HERC2: variants seen among roughly 807,000 people sequenced by gnomAD.
The protein encoded by HERC2 is E3 ubiquitin-protein ligase HERC2.
A neutral mutation model predicts 537.7 loss-of-function variants in HERC2; 102 were observed. The observed-to-expected ratio is 0.19, with a 90% confidence interval of 0.16 to 0.22. The LOEUF (loss-of-function observed/expected upper bound fraction) is 0.22. Ranked by LOEUF, HERC2 falls within the 10% of genes least tolerant of loss-of-function variation. The probability of loss-of-function intolerance (pLI) is 1.00; values close to 1 mark genes in which losing one functional copy is unlikely to be tolerated. For synonymous variants in HERC2, 2,224 were observed against 2,466.2 expected (o/e 0.90, Z 2.91); for missense variants, 4,236 against 6,198.2 (o/e 0.68, Z 10.63).
chr15:28,318,072 C>T (rs1195297337), intron 2 of HERC2, among the ~76,000 whole-genome samples: 40 of 152,230 alleles, frequency 2.6e-4, no homozygotes, highest in African/African-American at 9.4e-4. Context: ...TGCGCCTTTA[C>T]CTTACAACAA....
At chr15:28,313,911 C>T (rs2077012241) in intron 2 of HERC2, among the ~76,000 whole-genome samples, 1 of 152,060 alleles carries the variant, frequency 6.6e-6, no homozygotes, top group Admixed American at 6.6e-5. Context: ...TGAGAGACTC[C>T]CAGGGCCCTC....
At chr15:28,252,769 C>T (rs923786544) in intron 20 of HERC2, among the ~76,000 whole-genome samples, 54 of 152,170 alleles carry the variant, frequency 3.5e-4, no homozygotes, top group African/African-American at 1.2e-3. Context: ...AAACAAACAT[C>T]AGAAAAAGGT....
chr15:28,255,369 C>T (rs1035412179), intron 19 of HERC2, among the ~76,000 whole-genome samples: 6 of 152,082 alleles, frequency 3.9e-5, no homozygotes, highest in Admixed American at 2.0e-4. Context: ...AGCAATTAAA[C>T]GTCCTTCAAT....
intron 86 of HERC2, among the ~76,000 whole-genome samples, chr15:28,119,358 C>A (rs572203612): frequency 6.9e-5 from 10 of 145,822 alleles, no homozygotes; most frequent in African/African-American, 2.4e-4. Context: ...CAAGATTGCA[C>A]CACTGTACTC....
At position 28,113,984 on chromosome 15, in the gene HERC2, C is replaced by T. The variant is rs1211117003; in HGVS notation, c.13914-306G>A. Among the ~76,000 whole-genome samples, 1 of 152,138 alleles carries T rather than the reference C, an allele frequency of 6.6e-6. No individual in the cohort carries two copies. The highest frequency in any genetic ancestry group is 2.4e-5 in the African/African-American group (1 of 41,396). ...GAAGCCAGCACCAAGAGGGGAAACA[C>T]ATGTGCATCCGCCCCAGGCCCGAGA... On this transcript the variant is annotated intron_variant, in intron 90 of 92. Coordinates refer to ENST00000261609, the MANE Select transcript of HERC2 (RefSeq NM_004667.6). The surrounding 1 kb of genome is among the most constrained non-coding windows in gnomAD (Gnocchi z 7.0).
chr15:28,254,564 G>A (rs1333523528), intron 19 of HERC2, 46 bp from the exon 20 acceptor site: 1 of 1,372,436 alleles, frequency 7.3e-7, no homozygotes. Context: ...CTCATTACCA[G>A]GTGTGAAGAC....
In HERC2 at chr15:28,268,757, G is replaced by T. The variant is rs907617310; in HGVS notation, c.1447-141C>A. 5.9e-5 allele frequency: 42 copies of T among 707,282 alleles called. No homozygotes were observed. The highest frequency in any genetic ancestry group is 5.7e-4 in the Admixed American group (22 of 38,332). 43.8% of individuals were successfully genotyped at this position (707,282 alleles called of 1,614,324 possible). A position where few individuals can be genotyped will look rare whatever the true frequency, so the allele number is the denominator to read the frequency against. On this transcript the variant is annotated intron_variant, in intron 11 of 92. Coordinates refer to ENST00000261609, the MANE Select transcript of HERC2 (RefSeq NM_004667.6). This position sits in a 1 kb window ranked among gnomAD's most constrained non-coding sequence, Gnocchi z 4.7. ...ATAAGTCTCTGGGAACTACGGGGCC[G>T]GCTCTCCAGCCCTTCCCACCCAGCA...
intron 4 of HERC2, among the ~76,000 whole-genome samples, chr15:28,289,649 T>G (rs2076257800): frequency 6.6e-6 from 1 of 152,222 alleles, no homozygotes; most frequent in South Asian, 2.1e-4. Flanking sequence ...GAAGTGTCCT[T>G]ATCTATGAAA....
chr15:28,276,229 T>G (rs150880836), intron 5 of HERC2, among the ~76,000 whole-genome samples: 1 of 135,862 alleles, frequency 7.4e-6, no homozygotes, highest in Non-Finnish European at 1.6e-5. Context: ...AGGGTTGTTA[T>G]AGAAGGATCT....
chr15:28,240,139 G>C (rs1402621492), intron 23 of HERC2, among the ~76,000 whole-genome samples: 1 of 152,022 alleles, frequency 6.6e-6, no homozygotes, highest in Non-Finnish European at 1.5e-5. Context: ...AATCCAATCA[G>C]AGGGCGCAGT....
At chr15:28,157,906 C>G (rs1187353590) in intron 69 of HERC2, among the ~76,000 whole-genome samples, 1 of 152,120 alleles carries the variant, frequency 6.6e-6, no homozygotes, top group Non-Finnish European at 1.5e-5. Flanking sequence ...CTACACACTG[C>G]TTTAAATGTG....
intron 68 of HERC2, among the ~76,000 whole-genome samples, chr15:28,164,758 A>G (rs192776913): frequency 6.6e-6 from 1 of 152,340 alleles, no homozygotes; most frequent in African/African-American, 2.4e-5. Flanking sequence ...ATGTCTCATA[A>G]ATAAATTGGG....
At chr15:28,138,691 G>A (rs566144759) in intron 78 of HERC2, among the ~76,000 whole-genome samples, 52 of 152,112 alleles carry the variant, frequency 3.4e-4, no homozygotes, top group African/African-American at 1.1e-3. Context: ...TTTTCATGCC[G>A]GCTAACACAT....
At position 28,275,023 on chromosome 15, in the gene HERC2, G is replaced by C; in HGVS notation, c.543-18C>G. 1 of 1,541,940 alleles carries C rather than the reference G, an allele frequency of 6.5e-7. No individual in the cohort carries two copies. The highest frequency in any genetic ancestry group is 1.1e-5 in the South Asian group (1 of 89,744). ...GCCGGGAACTGCAGACGACACACAC[G>C]GAACATACAACCAGTCAGCAGCAGA... On this transcript the variant is annotated intron_variant, in intron 5 of 92. Transcript: ENST00000261609.
At chr15:28,282,004 G>A (rs527947101) in intron 4 of HERC2, among the ~76,000 whole-genome samples, 60 of 152,228 alleles carry the variant, frequency 3.9e-4, no homozygotes, top group Non-Finnish European at 7.2e-4. Flanking sequence ...TTATTCCGTC[G>A]CAATCCTGAC....
chr15:28,157,794 G>C (rs1433603179), intron 69 of HERC2, among the ~76,000 whole-genome samples: 1 of 152,154 alleles, frequency 6.6e-6, no homozygotes, highest in Non-Finnish European at 1.5e-5. Context: ...TTCTGAATGT[G>C]TTTGCTCTTG....
chr15:28,256,465 A>T, intron 17 of HERC2, 148 bp from the exon 18 acceptor site: 1 of 670,480 alleles, frequency 1.5e-6, no homozygotes, highest in Non-Finnish European at 2.5e-6. Flanking sequence ...GGACTAAAAA[A>T]ACTCTTACCC....
intron 70 of HERC2, among the ~76,000 whole-genome samples, chr15:28,150,424 C>T (rs1019540677): frequency 1.3e-5 from 2 of 150,634 alleles, no homozygotes; most frequent in East Asian, 2.0e-4. Flanking sequence ...CTGGCTTAAC[C>T]GAGAACATCA....
intron 10 of HERC2, among the ~76,000 whole-genome samples, chr15:28,269,979 G>C (rs1187781970): frequency 6.6e-6 from 1 of 152,208 alleles, no homozygotes; most frequent in Non-Finnish European, 1.5e-5. Flanking sequence ...GTTGTTTGTT[G>C]AGATGGGGTT....
Sources: gnomAD v4.1 joint callset for allele counts (sites outside exome capture counted in the v4.1 genomes callset) on GRCh38, gnomAD v4.1.1 for gene constraint, Gnocchi (gnomAD v3.1) non-coding constraint, MANE v1.5 for transcripts, NCBI Gene and HGNC (gene_info 2026-07-23, HGNC 2026-07-21) for gene names.